RIPOR2: variants seen among roughly 807,000 people sequenced by gnomAD.
The protein encoded by RIPOR2 is RHO family interacting cell polarization regulator 2, also known as rho family-interacting cell polarization regulator 2.
RIPOR2 carries 39 observed loss-of-function variants against 114.5 expected under a neutral mutation model. That is an observed-to-expected ratio of 0.34 (90% CI 0.26 to 0.44). RIPOR2 has a LOEUF of 0.44. Among genes scored for constraint, RIPOR2 ranks in the 20% least tolerant of loss-of-function variants. RIPOR2 has a pLI of 1.00. For missense variants in RIPOR2, 1,007 were observed against 1,255.1 expected (o/e 0.80, Z 2.99); for synonymous variants, 445 against 484.4 (o/e 0.92, Z 1.07).
chr6:24,910,764 C>A, intron 1 of RIPOR2: 1 of 972,374 alleles, frequency 1.0e-6, no homozygotes, highest in Non-Finnish European at 1.2e-6. Context: ...CAGACCTCAC[C>A]GCGTTGTACG....
intron 7 of RIPOR2, 127 bp from the exon 8 acceptor site, chr6:24,861,163 C>T (rs1305629961): frequency 6.4e-6 from 4 of 629,422 alleles, no homozygotes; most frequent in African/African-American, 3.7e-5. Flanking sequence ...TTGCTCCACA[C>T]AGCACAGCCT....
chr6:25,009,952 G>A (rs889854664), intron 1 of RIPOR2, among the ~76,000 whole-genome samples: 3 of 152,114 alleles, frequency 2.0e-5, no homozygotes, highest in South Asian at 2.1e-4. Flanking sequence ...ATGGGAGAAC[G>A]GATGCCCAGA....
chr6:24,935,648 G>C (rs971981679), intron 1 of RIPOR2, among the ~76,000 whole-genome samples, 190 bp downstream of exon 1: 4 of 152,146 alleles, frequency 2.6e-5, no homozygotes, highest in South Asian at 2.1e-4. Context: ...TCAACCCCTT[G>C]TTCCACCCCT....
intron 1 of RIPOR2, among the ~76,000 whole-genome samples, chr6:24,978,453 C>A (rs992772291): frequency 6.6e-6 from 1 of 151,918 alleles, no homozygotes; most frequent in African/African-American, 2.4e-5. Flanking sequence ...TTATTTATAC[C>A]AAAGGTCTTT....
chr6:24,871,568 T>C (rs1765178118), intron 4 of RIPOR2, among the ~76,000 whole-genome samples: 1 of 152,160 alleles, frequency 6.6e-6, no homozygotes, highest in African/African-American at 2.4e-5. Flanking sequence ...GCCAAGCTGG[T>C]CTTGAACTCC....
chr6:24,905,772 T>C (rs1260882702), intron 1 of RIPOR2, among the ~76,000 whole-genome samples: 1 of 152,236 alleles, frequency 6.6e-6, no homozygotes, highest in Admixed American at 6.5e-5. Flanking sequence ...AAATCACGTG[T>C]GCTTTTAGCG....
intron 18 of RIPOR2, among the ~76,000 whole-genome samples, chr6:24,827,691 C>T (rs1760310126): frequency 6.6e-6 from 1 of 152,174 alleles, no homozygotes; most frequent in African/African-American, 2.4e-5. Context: ...GGACATGGAG[C>T]CCTGGAGTTA....
chr6:24,878,327 T>G (rs1036516509), intron 1 of RIPOR2, among the ~76,000 whole-genome samples: 1 of 152,234 alleles, frequency 6.6e-6, no homozygotes, highest in African/African-American at 2.4e-5. Flanking sequence ...CTGTATGCCA[T>G]GCAAACTTGT....
chr6:24,903,650 A>T (rs1768688348), intron 1 of RIPOR2, among the ~76,000 whole-genome samples: 2 of 150,790 alleles, frequency 1.3e-5, no homozygotes, highest in Admixed American at 1.3e-4. Flanking sequence ...TTTAGGGGTT[A>T]CATGAGACAT....
chr6:24,986,536 C>T (rs555760924), intron 1 of RIPOR2, among the ~76,000 whole-genome samples: 1 of 150,938 alleles, frequency 6.6e-6, no homozygotes, highest in South Asian at 2.1e-4. Context: ...ATGTAGTTGC[C>T]AGAAAAAAAA....
chr6:25,015,652 C>T (rs1002857709), intron 1 of RIPOR2: 12 of 152,196 alleles, frequency 7.9e-5, no homozygotes, highest in Non-Finnish European at 1.5e-4. Flanking sequence ...CTAACTGATG[C>T]CAAATAGTAT....
At chr6:25,014,982 T>A (rs1323770838) in intron 1 of RIPOR2, 1 of 148,874 alleles carries the variant, frequency 6.7e-6, no homozygotes, top group Non-Finnish European at 1.5e-5. Flanking sequence ...CACAGTGACC[T>A]TTTATTAAAT....
At chr6:24,852,538 T>C in intron 9 of RIPOR2, 37 bp downstream of exon 9, 1 of 1,541,428 alleles carries the variant, frequency 6.5e-7, no homozygotes. Context: ...ACCCTTCAGG[T>C]CCATAATTCC....
upstream of RIPOR2, among the ~76,000 whole-genome samples, chr6:24,937,397 T>A (rs1561793097): frequency 6.6e-6 from 1 of 152,128 alleles, no homozygotes; most frequent in Non-Finnish European, 1.5e-5. Context: ...CAAATACCAA[T>A]AATGCCCACC....
chr6:25,038,698 C>A (rs967459761), intron 1 of RIPOR2, among the ~76,000 whole-genome samples: 1 of 152,198 alleles, frequency 6.6e-6, no homozygotes, highest in African/African-American at 2.4e-5. Context: ...CCCCAGAGAA[C>A]ACCTTCATTG....
chr6:25,042,036 C>A (rs1263053703), upstream of RIPOR2: 2 of 488,966 alleles, frequency 4.1e-6, no homozygotes, highest in African/African-American at 4.8e-5. Context: ...AAAACTTAAC[C>A]CCCCCCTTTT....
chr6:24,890,657 CTT>C (rs70974945), intron 1 of RIPOR2, among the ~76,000 whole-genome samples: 1 of 139,076 alleles, frequency 7.2e-6, no homozygotes. Context: ...AGATTTTTTT[CTT>C]TTTTTTTTTT....
chr6:25,012,917 A>G (rs1395421268), intron 1 of RIPOR2, among the ~76,000 whole-genome samples: 1 of 152,164 alleles, frequency 6.6e-6, no homozygotes, highest in Non-Finnish European at 1.5e-5. Flanking sequence ...TTTAAAAAAA[A>G]ACAGATTGCA....
rs1030434863 is a variant in RIPOR2 at position 24,805,036 on chromosome 6, A to C, written c.*1337T>G. On this transcript the variant is annotated 3_prime_UTR_variant, in exon 22 of 22. Transcript: ENST00000643898. ...ACCCCTCAGGATGTCCTTCTTTCTAATCCCACGGTCATTTTTACAGAAGGA... is the reference window on the plus strand; with the variant it reads ...ACCCCTCAGGATGTCCTTCTTTCTACTCCCACGGTCATTTTTACAGAAGGA... 3 of 152,082 alleles carry C rather than the reference A, an allele frequency of 2.0e-5. No individual in the cohort carries two copies. The highest frequency in any genetic ancestry group is 4.4e-5 in the Non-Finnish European group (3 of 68,000). 9.4% of individuals were successfully genotyped at this position (152,082 alleles called of 1,614,324 possible).
Sources: gnomAD v4.1 joint callset for allele counts (sites outside exome capture counted in the v4.1 genomes callset) on GRCh38, gnomAD v4.1.1 for gene constraint, MANE v1.5 for transcripts, NCBI Gene and HGNC (gene_info 2026-07-23, HGNC 2026-07-21) for gene names.